The following KLHL32 variants were observed in gnomAD, a reference collection of about 807,000 sequenced individuals.
The protein encoded by KLHL32 is kelch like family member 32, also known as kelch-like protein 32.
In KLHL32, 35 loss-of-function variants were observed where a neutral mutation model predicts 64.8. The observed-to-expected ratio is 0.54, with a 90% CI of 0.41 to 0.72. The LOEUF (loss-of-function observed/expected upper bound fraction) is 0.72. KLHL32 is among the 30% of genes least tolerant of loss of function. The pLI is 0.00. For missense variants in KLHL32, 589 were observed against 768.5 expected, an observed-to-expected ratio of 0.77 and a Z score of 2.76; for synonymous variants, 259 against 281.0, an observed-to-expected ratio of 0.92 and a Z score of 0.78.
At chr6:97,116,473 T>C in intron 7 of KLHL32, among the ~76,000 whole-genome samples, 1 of 152,218 alleles carries the variant, frequency 6.6e-6, no homozygotes, top group East Asian at 1.9e-4. Flanking sequence ...TTCTCCCAAT[T>C]GACATTCCTT....
intron 6 of KLHL32, among the ~76,000 whole-genome samples, chr6:97,094,598 C>T (rs571345278): frequency 5.3e-5 from 8 of 152,228 alleles, no homozygotes; most frequent in Admixed American, 2.6e-4. Flanking sequence ...TTGTTACGTG[C>T]GGTGGCATGT....
intron 3 of KLHL32, among the ~76,000 whole-genome samples, chr6:97,014,524 A>G (rs1008633032): frequency 1.3e-5 from 2 of 152,210 alleles, no homozygotes; most frequent in Non-Finnish European, 2.9e-5. Flanking sequence ...AACAGTACAC[A>G]GAATTTAAAT....
Position 97,132,647 on chromosome 6 carries a change from C to T in KLHL32, c.1607-6C>T. The T allele has an allele frequency of 6.3e-7, 1 of 1,597,456 alleles. No homozygotes were observed. The highest frequency in any genetic ancestry group is 2.2e-5 in the East Asian group (1 of 44,656). On this transcript the variant is annotated splice_polypyrimidine_tract_variant and splice_region_variant and intron_variant, in intron 9 of 10. Coordinates refer to ENST00000369261, the MANE Select transcript of KLHL32 (RefSeq NM_052904.4). ...TTTTCTTTTTATTCAATTCTCTTTA[C>T]TTTAGGCCAAAATGAATCTGGAGTT...
chr6:97,025,819 A>T (rs1452965399), intron 3 of KLHL32, among the ~76,000 whole-genome samples: 1 of 152,174 alleles, frequency 6.6e-6, no homozygotes, highest in African/African-American at 2.4e-5. Context: ...AAATGAGGTA[A>T]TAGTAGTACC....
chr6:97,052,680 A>G (rs1481930169), intron 4 of KLHL32, among the ~76,000 whole-genome samples: 1 of 152,178 alleles, frequency 6.6e-6, no homozygotes, highest in Non-Finnish European at 1.5e-5. Context: ...GGAGGACCAG[A>G]AATATCCCCG....
intron 5 of KLHL32, among the ~76,000 whole-genome samples, chr6:97,077,780 CTG>C (rs1791836655): frequency 6.6e-6 from 1 of 152,140 alleles, no homozygotes; most frequent in Non-Finnish European, 1.5e-5. Flanking sequence ...TGCCTCACAA[CTG>C]TTTGCTTTTT....
rs1797573362 is a variant in KLHL32 at position 97,114,247 on chromosome 6, T to A, written c.1092T>A (p.Ala364=). 6.2e-7 allele frequency: 1 copy of A among 1,614,128 alleles called. No individual in the cohort carries two copies. The highest frequency in any genetic ancestry group is 1.3e-5 in the African/African-American group (1 of 75,046). ...AGCATGCCAGTGGCCGGACGTGTGC[T>A]GTGAGGACTGCCTGTCGCTATGACC... is the stretch of plus-strand genomic sequence containing the variant. ...EVEHASGRTC[A]VRTACRYDPR... The change falls in exon 7 of 11, where the codon GCT becomes GCA. Residue 364 remains alanine, a synonymous_variant. Transcript: ENST00000369261.
At chr6:96,981,382 G>A (rs898684697) in intron 3 of KLHL32, among the ~76,000 whole-genome samples, 2 of 152,058 alleles carry the variant, frequency 1.3e-5, no homozygotes, top group Non-Finnish European at 2.9e-5. Flanking sequence ...TTGTATTTCT[G>A]TGAAGTTGGA....
chr6:97,093,504 A>C lies in KLHL32; in HGVS notation c.627+8163A>C, dbSNP rs111655574. ...ACACCAACTCTTTAAGAAAACAGAA[A>C]CTCAAAGTACCTTATATATCTCATA... On this transcript the variant is annotated intron_variant, in intron 6 of 10. Coordinates refer to ENST00000369261, the MANE Select transcript of KLHL32 (RefSeq NM_052904.4). 1.3e-3 allele frequency among the ~76,000 whole-genome samples: 191 copies of C among 152,224 alleles called. 1 individual carries two copies. The highest frequency in any genetic ancestry group is 4.5e-3 in the African/African-American group (186 of 41,530).
intron 3 of KLHL32, among the ~76,000 whole-genome samples, chr6:96,999,052 G>T (rs943271464): frequency 2.0e-5 from 3 of 152,282 alleles, no homozygotes; most frequent in East Asian, 1.9e-4. Flanking sequence ...CATCTAATAG[G>T]CAGATTAACA....
intron 5 of KLHL32, among the ~76,000 whole-genome samples, chr6:97,069,400 CTTT>C (rs199967868): frequency 3.7e-5 from 5 of 134,548 alleles, no homozygotes; most frequent in Admixed American, 7.4e-5. Flanking sequence ...GATTTTGTTC[CTTT>C]TTTTTTTTTT....
At chr6:96,925,972 G>T (rs1769106765) in intron 1 of KLHL32, among the ~76,000 whole-genome samples, 1 of 151,638 alleles carries the variant, frequency 6.6e-6, no homozygotes. Context: ...TTTTTCTGAT[G>T]GGACTGGGTC....
the KLHL32 span, among the ~76,000 whole-genome samples, chr6:96,904,696 T>G: frequency 6.6e-6 from 1 of 152,164 alleles, no homozygotes; most frequent in Non-Finnish European, 1.5e-5. Flanking sequence ...AGCCAATAGA[T>G]TTTAGAAAAA....
intron 4 of KLHL32, among the ~76,000 whole-genome samples, chr6:97,046,708 T>C (rs1362130234): frequency 1.3e-5 from 2 of 152,208 alleles, no homozygotes. Context: ...TGCAGTTTAC[T>C]TGAGATTGTT....
At chr6:97,120,910 C>A (rs1012674881) in intron 7 of KLHL32, among the ~76,000 whole-genome samples, 2 of 152,146 alleles carry the variant, frequency 1.3e-5, no homozygotes, top group Non-Finnish European at 2.9e-5. Context: ...TTTCCTACCT[C>A]CCATCTGAAA....
the KLHL32 span, among the ~76,000 whole-genome samples, chr6:96,915,659 A>G: frequency 6.6e-6 from 1 of 152,218 alleles, no homozygotes; most frequent in Non-Finnish European, 1.5e-5. Flanking sequence ...GGAGTAAAAA[A>G]AAAAAGGGAT....
intron 1 of KLHL32, among the ~76,000 whole-genome samples, chr6:96,942,271 C>T (rs1401506712): frequency 6.6e-6 from 1 of 152,208 alleles, no homozygotes; most frequent in Non-Finnish European, 1.5e-5. Context: ...TGCTGTCCCC[C>T]TCACCATCCT....
chr6:97,116,162 C>G (rs1482777818), intron 7 of KLHL32, among the ~76,000 whole-genome samples: 1 of 152,164 alleles, frequency 6.6e-6, no homozygotes, highest in African/African-American at 2.4e-5. Flanking sequence ...ACTAAGGAAG[C>G]AGACAGATGA....
chr6:97,031,264 C>G (rs912829769), intron 3 of KLHL32, among the ~76,000 whole-genome samples: 1 of 152,122 alleles, frequency 6.6e-6, no homozygotes, highest in Non-Finnish European at 1.5e-5. Flanking sequence ...AGACATTGAC[C>G]TTGATATAAT....
Sources: allele counts gnomAD v4.1 joint callset (sites outside exome capture counted in the v4.1 genomes callset), GRCh38; gene constraint gnomAD v4.1.1; transcripts MANE v1.5; gene names NCBI Gene and HGNC (gene_info 2026-07-23, HGNC 2026-07-21).